GRIK3: variants seen among roughly 807,000 people sequenced by gnomAD.
The protein encoded by GRIK3 is glutamate receptor ionotropic, kainate 3.
In GRIK3, 29 loss-of-function variants were observed where a neutral mutation model predicts 102.5. The observed-to-expected ratio is 0.28, with a 90% CI of 0.21 to 0.39. GRIK3 has a LOEUF of 0.39. Among genes scored for constraint, GRIK3 ranks in the 10% least tolerant of loss-of-function variants. The pLI is 1.00. For synonymous variants in GRIK3, 511 were observed against 504.9 expected (o/e 1.01, Z -0.16); for missense variants, 908 against 1,252.4 (o/e 0.73, Z 4.15).
intron 13 of GRIK3, among the ~76,000 whole-genome samples, chr1:36,809,371 C>T (rs1024763490): frequency 3.3e-5 from 5 of 152,160 alleles, no homozygotes; most frequent in Admixed American, 6.5e-5. Flanking sequence ...ATCTATCTAT[C>T]CATCCATCCA....
chr1:37,025,373 C>T (rs1273844862), intron 1 of GRIK3, among the ~76,000 whole-genome samples: 1 of 152,196 alleles, frequency 6.6e-6, no homozygotes, highest in Non-Finnish European at 1.5e-5. Flanking sequence ...CCCACACCCA[C>T]GGAATCAGAA....
chr1:36,846,421 G>A (rs72668180), intron 9 of GRIK3, among the ~76,000 whole-genome samples: 1,958 of 152,326 alleles, frequency 0.013, 28 homozygotes, highest in South Asian at 0.051. Flanking sequence ...GCTGCTTTCT[G>A]CCACACCAGA....
intron 1 of GRIK3, among the ~76,000 whole-genome samples, chr1:36,917,701 A>G (rs185595231): frequency 1.1e-4 from 17 of 152,374 alleles, no homozygotes; most frequent in Admixed American, 7.8e-4. Flanking sequence ...ATGGAACTGT[A>G]AGTCCATTAA....
chr1:36,967,311 T>C (rs1642091155), intron 1 of GRIK3, among the ~76,000 whole-genome samples: 1 of 152,218 alleles, frequency 6.6e-6, no homozygotes, highest in African/African-American at 2.4e-5. Context: ...GACCCACAAA[T>C]CTCTGAAGTG....
intron 1 of GRIK3, among the ~76,000 whole-genome samples, chr1:36,944,085 G>C (rs1006807685): frequency 1.3e-5 from 2 of 152,216 alleles, no homozygotes; most frequent in African/African-American, 4.8e-5. Flanking sequence ...ACCTGAAGCT[G>C]TCACTCAGCC....
chr1:36,841,311 C>G (rs1640446317), intron 10 of GRIK3, among the ~76,000 whole-genome samples: 1 of 152,204 alleles, frequency 6.6e-6, no homozygotes, highest in Non-Finnish European at 1.5e-5. Context: ...TTACTCAATG[C>G]AGTGACGGGT....
chr1:36,897,265 A>G (rs1035365916), intron 1 of GRIK3, among the ~76,000 whole-genome samples: 1 of 152,236 alleles, frequency 6.6e-6, no homozygotes, highest in Admixed American at 6.5e-5. Context: ...TTCACAAAAA[A>G]TCAGTTAGAG....
intron 13 of GRIK3, 83 bp downstream of exon 13, chr1:36,816,976 AG>A: frequency 1.1e-6 from 1 of 929,000 alleles, no homozygotes; most frequent in East Asian, 2.6e-5. Context: ...AGGGAAGGAC[AG>A]AGACCCCCTT....
At chr1:36,844,219 C>T (rs72913529) in intron 9 of GRIK3, among the ~76,000 whole-genome samples, 6,444 of 152,258 alleles carry the variant, frequency 0.042, 450 homozygotes, top group African/African-American at 0.15. Context: ...AAGGGATTCC[C>T]GACTAGCCAG....
intron 1 of GRIK3, among the ~76,000 whole-genome samples, chr1:37,004,965 G>A (rs1488593303): frequency 6.6e-6 from 1 of 152,198 alleles, no homozygotes; most frequent in Admixed American, 6.5e-5. Context: ...CCCTAACTAG[G>A]CCCCTGGGTG....
intron 9 of GRIK3, among the ~76,000 whole-genome samples, chr1:36,847,727 C>A (rs756630924): frequency 6.6e-6 from 1 of 152,174 alleles, no homozygotes; most frequent in Non-Finnish European, 1.5e-5. Flanking sequence ...AGGCACAGGG[C>A]GGATAAGCAA....
chr1:36,832,401 C>T (rs1640314093), intron 10 of GRIK3, among the ~76,000 whole-genome samples: 1 of 152,196 alleles, frequency 6.6e-6, no homozygotes, highest in Non-Finnish European at 1.5e-5. Context: ...AAGCAAGTCA[C>T]AGACGGTGTC....
At chr1:36,834,636 G>T (rs1453959247) in intron 10 of GRIK3, among the ~76,000 whole-genome samples, 1 of 152,138 alleles carries the variant, frequency 6.6e-6, no homozygotes, top group African/African-American at 2.4e-5. Flanking sequence ...TCCCCACGGG[G>T]ACCAGCCTGT....
rs61125066 is a variant in GRIK3, at chr1:36,975,288, G to GTTTTTTTTTTTTTTTTT, written c.115+58689_115+58705dup. Among the ~76,000 whole-genome samples, 81 of 113,334 alleles carry GTTTTTTTTTTTTTTTTT rather than the reference G, an allele frequency of 7.1e-4. 9 individuals are homozygous for GTTTTTTTTTTTTTTTTT. The highest frequency in any genetic ancestry group is 2.1e-3 in the African/African-American group (55 of 26,276). 74.4% of individuals were successfully genotyped at this position (113,334 alleles called of 152,430 possible). A position where few individuals can be genotyped will look rare whatever the true frequency, so the allele number is the denominator to read the frequency against. On this transcript the variant is annotated intron_variant, in intron 1 of 15. Coordinates refer to ENST00000373091, the MANE Select transcript of GRIK3 (RefSeq NM_000831.4). ...AAATCAATGAGCTTATCTAAAGTTGGTTTTTTTTTTTTTTTTTTTTGAGAG... is the reference window on the plus strand; with the variant it reads ...AAATCAATGAGCTTATCTAAAGTTGGTTTTTTTTTTTTTTTTTTTTTTTTTTTTTTTTTTTTTGAGAG...
At chr1:36,802,195 C>T in intron 15 of GRIK3, 150 bp from the exon 16 acceptor site, 1 of 591,420 alleles carries the variant, frequency 1.7e-6, no homozygotes, top group Non-Finnish European at 3.0e-6. Flanking sequence ...CCTCTGCCAC[C>T]TGCAGGATGA....
In GRIK3 at chr1:36,806,226, G is replaced by A. The variant is rs572107668; in HGVS notation, c.2192C>T (p.Thr731Met). 33 of 1,613,962 alleles carry A rather than the reference G, an allele frequency of 2.0e-5. No individual in the cohort carries two copies. The highest frequency in any genetic ancestry group is 1.4e-4 in the South Asian group (13 of 91,088). ...CTCCATGAGCAGCGCGTAGTCGGCCGTCAGGGCCCTCTGGATGCCCTCCTC... is the reference window on the plus strand; with the variant it reads ...CTCCATGAGCAGCGCGTAGTCGGCCATCAGGGCCCTCTGGATGCCCTCCTC... ...NNEEGIQRAL[T>M]ADYALLMEST... The change falls in exon 14 of 16, where the codon ACG becomes ATG. Residue 731 changes from threonine (T) to methionine (M), a missense_variant. Physicochemically the swap from Thr to Met is moderately conservative, Grantham distance 81. This residue lies in a region of GRIK3 where 297 missense variants were observed against 362.7 expected (regional missense o/e 0.82). Coordinates refer to ENST00000373091, the MANE Select transcript of GRIK3 (RefSeq NM_000831.4). This position sits in a 1 kb window ranked among gnomAD's most constrained non-coding sequence, Gnocchi z 4.0.
intron 5 of GRIK3, 67 bp from the exon 6 acceptor site, chr1:36,860,084 A>G: frequency 7.7e-7 from 1 of 1,294,488 alleles, no homozygotes; most frequent in South Asian, 1.4e-5. Flanking sequence ...CCCGCCTCCT[A>G]CCCACTCCCT....
chr1:36,959,108 C>T (rs1195151904), intron 1 of GRIK3, among the ~76,000 whole-genome samples: 1 of 124,512 alleles, frequency 8.0e-6, no homozygotes, highest in African/African-American at 2.8e-5. Context: ...GAGTCTGTGC[C>T]CCATGACTCT....
At chr1:36,968,983 C>T (rs572894955) in intron 1 of GRIK3, among the ~76,000 whole-genome samples, 52 of 152,310 alleles carry the variant, frequency 3.4e-4, no homozygotes, top group African/African-American at 8.2e-4. Flanking sequence ...TGTCAAAGTG[C>T]CAAATCCCTA....
Sources: allele counts gnomAD v4.1 joint callset (sites outside exome capture counted in the v4.1 genomes callset), GRCh38; gene constraint gnomAD v4.1.1; regional missense constraint gnomAD v4.1.1; non-coding constraint Gnocchi (gnomAD v3.1); transcripts MANE v1.5; gene names NCBI Gene and HGNC (gene_info 2026-07-23, HGNC 2026-07-21).